MYO5B: variants seen among roughly 807,000 people sequenced by gnomAD.
MYO5B encodes myosin VB.
In MYO5B, 143 loss-of-function variants were observed where a neutral mutation model predicts 229.3. That is an observed-to-expected ratio of 0.62 (90% CI 0.54 to 0.72). The LOEUF is 0.72. Ranked by LOEUF, MYO5B falls within the 30% of genes least tolerant of loss-of-function variation. MYO5B has a pLI of 0.00. For synonymous variants in MYO5B, 918 were observed against 885.2 expected (o/e 1.04, Z -0.66); for missense variants, 2,321 against 2,331.0 (o/e 1.00, Z 0.09).
At chr18:50,112,212 T>C (rs144249443) in intron 1 of MYO5B, among the ~76,000 whole-genome samples, 3 of 152,212 alleles carry the variant, frequency 2.0e-5, no homozygotes, top group East Asian at 3.9e-4. Context: ...GGAAAAAGTA[T>C]AGTAAAGAGA....
intron 2 of MYO5B, among the ~76,000 whole-genome samples, chr18:50,050,587 C>T (rs1203332201): frequency 6.6e-6 from 1 of 152,184 alleles, no homozygotes; most frequent in Non-Finnish European, 1.5e-5. Flanking sequence ...TGCCTCCATC[C>T]TTGGGATCAA....
chr18:50,056,397 C>T (rs920713192), intron 1 of MYO5B, among the ~76,000 whole-genome samples: 1 of 152,184 alleles, frequency 6.6e-6, no homozygotes, highest in Non-Finnish European at 1.5e-5. Flanking sequence ...TGCTGAATGG[C>T]AGCATCTGGA....
intron 1 of MYO5B, among the ~76,000 whole-genome samples, chr18:50,074,585 C>T (rs943173897): frequency 6.6e-6 from 1 of 152,166 alleles, no homozygotes; most frequent in African/African-American, 2.4e-5. Context: ...GAATCTGCAC[C>T]CTGATCTTCT....
intron 16 of MYO5B, among the ~76,000 whole-genome samples, chr18:49,935,671 T>G (rs1568037279): frequency 1.3e-5 from 2 of 152,206 alleles, no homozygotes; most frequent in Non-Finnish European, 2.9e-5. Flanking sequence ...CATTAAGAGT[T>G]CTACAGATTA....
intron 39 of MYO5B, among the ~76,000 whole-genome samples, chr18:49,834,896 C>T (rs369623469): frequency 6.6e-6 from 1 of 152,294 alleles, no homozygotes; most frequent in East Asian, 1.9e-4. Context: ...CCTCGGCCTC[C>T]CAAAGTGCTG....
At chr18:50,113,326 C>G (rs560261148) in intron 1 of MYO5B, among the ~76,000 whole-genome samples, 55 of 152,314 alleles carry the variant, frequency 3.6e-4, no homozygotes, top group African/African-American at 1.2e-3. Flanking sequence ...CCTTGCCTTC[C>G]CTCCCAAGAG....
In MYO5B at chr18:49,902,644, C is replaced by A; in HGVS notation, c.2761G>T (p.Val921Leu). Residue 921 changes from valine to leucine, a missense_variant, in exon 21 of 40, where the codon GTG (valine) becomes TTG (leucine). Transcript: ENST00000285039. Reference sequence around the variant, plus strand: ...TGGACCACCTTGTTCTCCATGCCCACGTTGAGACGTTTCAGATGCTCTGCT... The same window carrying A: ...TGGACCACCTTGTTCTCCATGCCCAAGTTGAGACGTTTCAGATGCTCTGCT... ...RSAEHLKRLN[V>L]GMENKVVQLQ... The A allele has an allele frequency of 6.2e-7, 1 of 1,613,408 alleles. No homozygotes were observed. The highest frequency in any genetic ancestry group is 1.1e-5 in the South Asian group (1 of 91,076).
chr18:50,147,672 A>G (rs1261353485), intron 1 of MYO5B, among the ~76,000 whole-genome samples: 1 of 152,196 alleles, frequency 6.6e-6, no homozygotes, highest in Non-Finnish European at 1.5e-5. Flanking sequence ...TCGGTAGCAT[A>G]CAAGACCGTT....
rs554360015 is a variant in MYO5B, at chr18:50,052,946, C to G, written c.138+2322G>C. Among the ~76,000 whole-genome samples the G allele has an allele frequency of 4.9e-4, 74 of 152,276 alleles. No homozygotes were observed. In the South Asian group the frequency reaches 0.015, roughly 30 times the overall value. On this transcript the variant is annotated intron_variant, in intron 2 of 39. Transcript: ENST00000285039. ...AACTGATGTTAATCCTTTGCTGATG[C>G]AGTGAAACCCACACTATTGAACTTC... is the stretch of plus-strand genomic sequence containing the variant.
At chr18:50,191,769 T>C (rs1022795382) in intron 1 of MYO5B, among the ~76,000 whole-genome samples, 1 of 152,112 alleles carries the variant, frequency 6.6e-6, no homozygotes. Context: ...AACAAACCCA[T>C]AGTTTTATAC....
At chr18:50,059,672 G>T (rs982216543) in intron 1 of MYO5B, among the ~76,000 whole-genome samples, 13 of 152,184 alleles carry the variant, frequency 8.5e-5, no homozygotes, top group African/African-American at 2.9e-4. Flanking sequence ...GTTCTGTGCA[G>T]GATGGTTCAC....
At chr18:50,073,629 C>A (rs979243306) in intron 1 of MYO5B, among the ~76,000 whole-genome samples, 5 of 152,138 alleles carry the variant, frequency 3.3e-5, no homozygotes, top group African/African-American at 1.2e-4. Flanking sequence ...TGAGCCCCCA[C>A]TTTCCCACTG....
intron 37 of MYO5B, among the ~76,000 whole-genome samples, chr18:49,837,232 A>G (rs1275984455): frequency 1.3e-5 from 2 of 152,180 alleles, no homozygotes; most frequent in Non-Finnish European, 2.9e-5. Flanking sequence ...TAACTCATTG[A>G]GTTTTCTCTC....
At chr18:49,911,865 G>C (rs749867758) in intron 18 of MYO5B, among the ~76,000 whole-genome samples, 197 bp downstream of exon 18, 1 of 152,112 alleles carries the variant, frequency 6.6e-6, no homozygotes, top group Non-Finnish European at 1.5e-5. Flanking sequence ...CTGTAAAAAA[G>C]GTTGGGAAGT....
intron 4 of MYO5B, among the ~76,000 whole-genome samples, chr18:50,028,972 C>G (rs1235133187): frequency 6.6e-6 from 1 of 152,162 alleles, no homozygotes; most frequent in African/African-American, 2.4e-5. Flanking sequence ...AGGAAACTGC[C>G]TCTCCTATTC....
intron 1 of MYO5B, among the ~76,000 whole-genome samples, chr18:50,148,671 A>G (rs1441946870): frequency 2.0e-5 from 3 of 152,124 alleles, no homozygotes; most frequent in Non-Finnish European, 4.4e-5. Flanking sequence ...TTAGGTATTG[A>G]TGGGACGTAT....
chr18:50,004,652 C>T (rs148224324), intron 4 of MYO5B, among the ~76,000 whole-genome samples: 1,915 of 152,254 alleles, frequency 0.013, 40 homozygotes, highest in African/African-American at 0.043. Flanking sequence ...CCTGTAGTCC[C>T]AGGTACTCAG....
At chr18:50,021,446 C>T (rs1345594261) in intron 4 of MYO5B, among the ~76,000 whole-genome samples, 1 of 152,160 alleles carries the variant, frequency 6.6e-6, no homozygotes, top group African/African-American at 2.4e-5. Flanking sequence ...GGCCTCAGCT[C>T]TCAAGAGGGG....
Position 49,839,237 on chromosome 18 carries a change from G to GGAACACT in MYO5B, c.4758_4759insAGTGTTC (p.Leu1587SerfsTer12). On this transcript the variant is annotated frameshift_variant, in exon 36 of 40. Coordinates refer to ENST00000285039, the MANE Select transcript of MYO5B (RefSeq NM_001080467.3). LOFTEE classifies it high-confidence loss of function. The stretch of plus-strand genomic sequence containing the variant: ...CTCAGCACCTGACGGTATTCGGTGA[G>GGAACACT]GTCAAAATTCTTAAGACAGTGTTCA... 1 of 1,614,178 alleles carries GGAACACT rather than the reference G, an allele frequency of 6.2e-7. No individual in the cohort carries two copies. The highest frequency in any genetic ancestry group is 8.5e-7 in the Non-Finnish European group (1 of 1,180,026).
Sources: allele counts gnomAD v4.1 joint callset (sites outside exome capture counted in the v4.1 genomes callset), GRCh38; gene constraint gnomAD v4.1.1; transcripts MANE v1.5; gene names NCBI Gene and HGNC (gene_info 2026-07-23, HGNC 2026-07-21).